PLEKHM3: variants seen among roughly 807,000 people sequenced by gnomAD.
The protein encoded by PLEKHM3 is pleckstrin homology domain-containing family M member 3.
In PLEKHM3, 45 loss-of-function variants were observed where a neutral mutation model predicts 81.8. The observed-to-expected ratio is 0.55, with a 90% CI of 0.43 to 0.71. The LOEUF (loss-of-function observed/expected upper bound fraction) is 0.71. Ranked by LOEUF, PLEKHM3 falls within the 30% of genes least tolerant of loss-of-function variation. PLEKHM3 has a pLI of 0.00. For synonymous variants in PLEKHM3, 352 were observed against 356.4 expected, an observed-to-expected ratio of 0.99 and a Z score of 0.14; for missense variants, 788 against 924.3, an observed-to-expected ratio of 0.85 and a Z score of 1.91.
In PLEKHM3 at chr2:207,826,765, CAA is replaced by C. The variant is rs1275358173; in HGVS notation, c.*1552_*1553del. ...TGTGAGCCACTGATCCTAATAGCAGCAAAACTACTAAACCATGAAGACATAGA... is the reference window on the plus strand; with the variant it reads ...TGTGAGCCACTGATCCTAATAGCAGCAACTACTAAACCATGAAGACATAGA... On this transcript the variant is annotated 3_prime_UTR_variant, in exon 8 of 8. Transcript: ENST00000427836. 8.5e-5 allele frequency: 13 copies of C among 152,296 alleles called. No homozygotes were observed. Among genetic ancestry groups the C allele is most frequent in the African/African-American group, 2.9e-4 (12 of 41,536 alleles). 9.4% of individuals were successfully genotyped at this position (152,296 alleles called of 1,614,324 possible). A position where few individuals can be genotyped will look rare whatever the true frequency, so the allele number is the denominator to read the frequency against.
At chr2:207,971,481 A>T (rs1320518204) in intron 3 of PLEKHM3, among the ~76,000 whole-genome samples, 1 of 152,026 alleles carries the variant, frequency 6.6e-6, no homozygotes, top group African/African-American at 2.4e-5. Flanking sequence ...AATTACCCTG[A>T]TCTGATCACT....
chr2:207,933,317 G>A (rs1193273817), intron 4 of PLEKHM3, among the ~76,000 whole-genome samples: 1 of 152,090 alleles, frequency 6.6e-6, no homozygotes, highest in African/African-American at 2.4e-5. Context: ...CTGTCTTTAG[G>A]TATAATAGCC....
intron 3 of PLEKHM3, among the ~76,000 whole-genome samples, chr2:207,962,272 T>C (rs760489037): frequency 1.3e-5 from 2 of 152,274 alleles, no homozygotes; most frequent in Non-Finnish European, 2.9e-5. Flanking sequence ...CAATCCATCA[T>C]ACCTACATAA....
At chr2:207,834,381 C>T (rs1278308942) in intron 7 of PLEKHM3, among the ~76,000 whole-genome samples, 3 of 151,438 alleles carry the variant, frequency 2.0e-5, no homozygotes, top group African/African-American at 4.9e-5. Flanking sequence ...CCGCCCACCT[C>T]GGCCTCCCAA....
intron 5 of PLEKHM3, among the ~76,000 whole-genome samples, chr2:207,926,232 C>T (rs1457596929): frequency 6.6e-6 from 1 of 152,160 alleles, no homozygotes; most frequent in Non-Finnish European, 1.5e-5. Flanking sequence ...AATCAGAACT[C>T]ATTTCCCAAG....
At chr2:207,990,277 A>C (rs1691854811) in intron 2 of PLEKHM3, among the ~76,000 whole-genome samples, 1 of 152,110 alleles carries the variant, frequency 6.6e-6, no homozygotes, top group East Asian at 1.9e-4. Context: ...AGGTCCTCCA[A>C]AGTCTCAGCT....
chr2:207,961,281 T>C (rs1431316623), intron 3 of PLEKHM3, among the ~76,000 whole-genome samples: 1 of 152,246 alleles, frequency 6.6e-6, no homozygotes, highest in South Asian at 2.1e-4. Flanking sequence ...AAGTCAATCC[T>C]CTGTGTCAGA....
intron 3 of PLEKHM3, among the ~76,000 whole-genome samples, chr2:207,946,901 C>A (rs1198822556): frequency 2.6e-5 from 4 of 152,158 alleles, no homozygotes; most frequent in Admixed American, 6.5e-5. Context: ...GTTTAACCAG[C>A]ACCACTTCTC....
intron 3 of PLEKHM3, among the ~76,000 whole-genome samples, chr2:207,966,363 C>T (rs1395662537): frequency 1.3e-5 from 2 of 152,132 alleles, no homozygotes; most frequent in Non-Finnish European, 2.9e-5. Context: ...AGAAAAAATA[C>T]AATCCACTCT....
rs535015840 is a variant in PLEKHM3, at chr2:207,824,906, T to G, written c.*3413A>C. 6.6e-6 allele frequency: 1 copy of G among 152,154 alleles called. No homozygotes were observed. The highest frequency in any genetic ancestry group is 2.4e-5 in the African/African-American group (1 of 41,524). 9.4% of individuals were successfully genotyped at this position (152,154 alleles called of 1,614,324 possible). ...GATCCCAAGTATTAGACGTATTCCCTTCTTGGTGGAGGCCTACTCTAGAAG... is the reference window on the plus strand; with the variant it reads ...GATCCCAAGTATTAGACGTATTCCCGTCTTGGTGGAGGCCTACTCTAGAAG... On this transcript the variant is annotated 3_prime_UTR_variant, in exon 8 of 8. Transcript: ENST00000427836.
At chr2:207,908,947 C>T (rs1688716043) in intron 5 of PLEKHM3, among the ~76,000 whole-genome samples, 1 of 152,174 alleles carries the variant, frequency 6.6e-6, no homozygotes, top group African/African-American at 2.4e-5. Context: ...TTCTTCACAG[C>T]AGAATGAGGG....
intron 2 of PLEKHM3, among the ~76,000 whole-genome samples, chr2:207,984,763 A>C (rs1691660128): frequency 6.6e-6 from 1 of 152,230 alleles, no homozygotes; most frequent in African/African-American, 2.4e-5. Context: ...TTTTAAATCT[A>C]TAACAGTTCT....
intron 7 of PLEKHM3, among the ~76,000 whole-genome samples, chr2:207,830,395 C>G (rs1272301178): frequency 3.3e-5 from 5 of 152,016 alleles, no homozygotes; most frequent in Non-Finnish European, 7.4e-5. Context: ...GAGCGGATCA[C>G]CCGAGGTCAG....
At chr2:208,013,510 C>T (rs957109627) in intron 1 of PLEKHM3, among the ~76,000 whole-genome samples, 2 of 150,282 alleles carry the variant, frequency 1.3e-5, no homozygotes, top group Non-Finnish European at 3.0e-5. Flanking sequence ...AGCAAGACTC[C>T]ATCTCAAAAA....
At chr2:207,874,478 G>A (rs1482274793) in intron 6 of PLEKHM3, among the ~76,000 whole-genome samples, 3 of 152,056 alleles carry the variant, frequency 2.0e-5, no homozygotes, top group African/African-American at 7.2e-5. Context: ...GGAGGCTGAG[G>A]CAGGAGAATT....
intron 5 of PLEKHM3, among the ~76,000 whole-genome samples, chr2:207,916,946 A>G (rs73983633): frequency 1.1e-3 from 173 of 152,288 alleles, no homozygotes; most frequent in African/African-American, 3.9e-3. Context: ...CATGAATGAC[A>G]CTGCAGACAG....
chr2:207,900,305 G>T (rs1688377678), intron 6 of PLEKHM3: 1 of 152,146 alleles, frequency 6.6e-6, no homozygotes, highest in Non-Finnish European at 1.5e-5. Context: ...GGGCTAATCT[G>T]GACTTCCTTA....
At chr2:207,892,536 C>T (rs557490916) in intron 6 of PLEKHM3, among the ~76,000 whole-genome samples, 8 of 152,262 alleles carry the variant, frequency 5.3e-5, no homozygotes, top group African/African-American at 1.4e-4. Context: ...TTCTCTCCTA[C>T]GCTGAGATGG....
chr2:207,967,169 T>G (rs1229884721), intron 3 of PLEKHM3, among the ~76,000 whole-genome samples: 1 of 152,072 alleles, frequency 6.6e-6, no homozygotes, highest in African/African-American at 2.4e-5. Context: ...TTATTTTTTA[T>G]TTTTTGGTGG....
Sources: gnomAD v4.1 joint callset for allele counts (sites outside exome capture counted in the v4.1 genomes callset) on GRCh38, gnomAD v4.1.1 for gene constraint, MANE v1.5 for transcripts, NCBI Gene and HGNC (gene_info 2026-07-23, HGNC 2026-07-21) for gene names.